BMPR1A: variants seen among roughly 807,000 people sequenced by gnomAD.
The protein encoded by BMPR1A is bone morphogenetic protein receptor type-1A.
BMPR1A carries 7 observed loss-of-function variants against 66.0 expected under a neutral mutation model. That is an observed-to-expected ratio of 0.11 (90% confidence interval 0.06 to 0.20). BMPR1A has a LOEUF of 0.20. Among genes scored for constraint, BMPR1A ranks in the 10% least tolerant of loss-of-function variants. The probability of loss-of-function intolerance (pLI) is 1.00; values close to 1 mark genes in which losing one functional copy is unlikely to be tolerated. For synonymous variants in BMPR1A, 200 were observed against 229.7 expected (o/e 0.87, Z 1.17); for missense variants, 408 against 669.1 (o/e 0.61, Z 4.31).
intron 1 of BMPR1A, among the ~76,000 whole-genome samples, chr10:86,770,478 T>A (rs1841238760): frequency 6.6e-6 from 1 of 152,216 alleles, no homozygotes; most frequent in Non-Finnish European, 1.5e-5. Context: ...TGAGAGCCTC[T>A]AGTCTCCTTT....
At chr10:86,840,582 ATC>A (rs139522260) in intron 2 of BMPR1A, among the ~76,000 whole-genome samples, 2,515 of 151,934 alleles carry the variant, frequency 0.017, 73 homozygotes, top group African/African-American at 0.058. Flanking sequence ...CTCTAAAATG[ATC>A]TCTCTCAACT....
chr10:86,793,556 G>A (rs1841662565), intron 1 of BMPR1A, among the ~76,000 whole-genome samples: 1 of 151,948 alleles, frequency 6.6e-6, no homozygotes, highest in African/African-American at 2.4e-5. Context: ...TAGAGACAGG[G>A]TTTCATCATA....
intron 1 of BMPR1A, among the ~76,000 whole-genome samples, chr10:86,825,400 T>C (rs766748075): frequency 1.4e-4 from 22 of 152,204 alleles, no homozygotes; most frequent in African/African-American, 4.8e-4. Flanking sequence ...GCTTATGATA[T>C]TGTTTCTGAA....
At chr10:86,792,953 T>C (rs2354350) in intron 1 of BMPR1A, among the ~76,000 whole-genome samples, 37,045 of 152,150 alleles carry the variant, frequency 0.24, 5,725 homozygotes, top group East Asian at 0.64. Context: ...TTATGTCTAG[T>C]GCAGCTTCTT....
intron 7 of BMPR1A, among the ~76,000 whole-genome samples, chr10:86,901,318 T>G (rs531952223): frequency 1.3e-5 from 2 of 152,332 alleles, no homozygotes; most frequent in East Asian, 3.9e-4. Flanking sequence ...ATTGCTGTTT[T>G]AAGCCACTCA....
intron 8 of BMPR1A, 101 bp from the exon 9 acceptor site, chr10:86,917,033 G>A: frequency 7.7e-7 from 1 of 1,290,894 alleles, no homozygotes; most frequent in Non-Finnish European, 1.1e-6. Context: ...ACTGGAGTTG[G>A]TTGGGTACAC....
chr10:86,799,213 A>G, intron 1 of BMPR1A, among the ~76,000 whole-genome samples: 1 of 152,226 alleles, frequency 6.6e-6, no homozygotes, highest in East Asian at 1.9e-4. Flanking sequence ...GATACCTATC[A>G]AAAGGCAACC....
Position 86,919,163 on chromosome 10 carries a change from A to C in BMPR1A, c.869-9A>C. The C allele has an allele frequency of 6.2e-7, 1 of 1,613,950 alleles. No homozygotes were observed. Among genetic ancestry groups the C allele is most frequent in the Non-Finnish European group, 8.5e-7 (1 of 1,179,842 alleles). ...GATAACTAACCTTTTAAACTCATCA[A>C]CTGGACAGGTTTCATAGCGGCAGAC... On this transcript the variant is annotated splice_polypyrimidine_tract_variant and intron_variant, in intron 9 of 12. Coordinates refer to ENST00000372037, the MANE Select transcript of BMPR1A (RefSeq NM_004329.3).
chr10:86,898,093 T>C (rs1329465485), intron 5 of BMPR1A, among the ~76,000 whole-genome samples: 1 of 151,928 alleles, frequency 6.6e-6, no homozygotes, highest in Non-Finnish European at 1.5e-5. Flanking sequence ...TTTTAAAAAT[T>C]ATTATTTTTA....
chr10:86,790,189 ATATAT>A (rs1404859282), intron 1 of BMPR1A, among the ~76,000 whole-genome samples: 9 of 13,204 alleles, frequency 6.8e-4, no homozygotes, highest in Admixed American at 1.3e-3. Context: ...AAAAAAAAAA[ATATAT>A]ATATATATAT....
At chr10:86,761,830 A>G (rs1029181254) in intron 1 of BMPR1A, among the ~76,000 whole-genome samples, 3 of 152,206 alleles carry the variant, frequency 2.0e-5, no homozygotes, top group Non-Finnish European at 2.9e-5. Context: ...TGTGGGTGAC[A>G]GATATGAAAA....
intron 1 of BMPR1A, among the ~76,000 whole-genome samples, chr10:86,828,137 G>A (rs1032895143): frequency 6.6e-6 from 1 of 152,192 alleles, no homozygotes; most frequent in African/African-American, 2.4e-5. Flanking sequence ...GGGTGACAGA[G>A]TGAGACTCTG....
chr10:86,772,334 G>A (rs534292053), intron 1 of BMPR1A, among the ~76,000 whole-genome samples: 1 of 151,868 alleles, frequency 6.6e-6, no homozygotes, highest in South Asian at 2.1e-4. Context: ...GTTTCACCGT[G>A]TTAGCCAGGA....
chr10:86,780,034 C>T (rs570061500), intron 1 of BMPR1A, among the ~76,000 whole-genome samples: 7 of 152,134 alleles, frequency 4.6e-5, no homozygotes, highest in Admixed American at 1.3e-4. Flanking sequence ...GCCTCCCGAA[C>T]GCTGGGATTA....
intron 1 of BMPR1A, among the ~76,000 whole-genome samples, chr10:86,765,123 T>C (rs1375475154): frequency 6.6e-6 from 1 of 152,132 alleles, no homozygotes; most frequent in African/African-American, 2.4e-5. Context: ...AAATTACACG[T>C]CATATTGGAC....
At chr10:86,837,743 A>G (rs1842372905) in intron 1 of BMPR1A, among the ~76,000 whole-genome samples, 1 of 152,200 alleles carries the variant, frequency 6.6e-6, no homozygotes, top group African/African-American at 2.4e-5. Flanking sequence ...TAACTAGTGC[A>G]TTGAGAAGAC....
intron 2 of BMPR1A, among the ~76,000 whole-genome samples, chr10:86,844,987 G>C (rs922121692): frequency 6.6e-6 from 1 of 152,114 alleles, no homozygotes; most frequent in Admixed American, 6.5e-5. Context: ...TGTTGGCCAG[G>C]CTGGTCTTGA....
At chr10:86,807,562 G>A (rs1841906961) in intron 1 of BMPR1A, among the ~76,000 whole-genome samples, 1 of 152,028 alleles carries the variant, frequency 6.6e-6, no homozygotes. Context: ...TAAATTTTTT[G>A]TGTAGAGACA....
At chr10:86,781,857 C>A (rs934359079) in intron 1 of BMPR1A, among the ~76,000 whole-genome samples, 3 of 84,238 alleles carry the variant, frequency 3.6e-5, no homozygotes, top group East Asian at 3.4e-4. Context: ...GACAGGATTT[C>A]TTTTTTTTTT....
Sources: gnomAD v4.1 joint callset for allele counts (sites outside exome capture counted in the v4.1 genomes callset) on GRCh38, gnomAD v4.1.1 for gene constraint, MANE v1.5 for transcripts, NCBI Gene and HGNC (gene_info 2026-07-23, HGNC 2026-07-21) for gene names.